Variants in C9orf85 observed in about 807,000 individuals in gnomAD.
The protein encoded by C9orf85 is chromosome 9 open reading frame 85.
A neutral mutation model predicts 14.9 loss-of-function variants in C9orf85; 16 were observed. The ratio of observed to expected loss-of-function variants is 1.08; its 90% confidence interval spans 0.73 to 1.63. C9orf85 has a LOEUF of 1.63. Among genes scored for constraint, C9orf85 ranks in the 40% most tolerant of loss-of-function variants. The pLI, the probability that C9orf85 is intolerant of heterozygous loss-of-function variation, is 0.00. For missense variants in C9orf85, 172 were observed against 186.1 expected (o/e 0.92, Z 0.44); for synonymous variants, 45 against 56.8 (o/e 0.79, Z 0.93).
chr9:71,982,328 A>G (rs182088282), intron 3 of C9orf85, among the ~76,000 whole-genome samples: 1 of 152,048 alleles, frequency 6.6e-6, no homozygotes, highest in Non-Finnish European at 1.5e-5. Flanking sequence ...GCTATTATGA[A>G]TGATACTGTT....
At chr9:71,982,519 T>A in intron 3 of C9orf85, 1 of 331,750 alleles carries the variant, frequency 3.0e-6, no homozygotes, top group Non-Finnish European at 5.7e-6. Context: ...TTGTGAGGAC[T>A]CCACACTGAG....
At chr9:71,949,123 T>C (rs1822179196) in intron 2 of C9orf85, among the ~76,000 whole-genome samples, 1 of 152,208 alleles carries the variant, frequency 6.6e-6, no homozygotes, top group South Asian at 2.1e-4. Flanking sequence ...TTTATTCCTA[T>C]AAAGGTATTT....
intron 1 of C9orf85, among the ~76,000 whole-genome samples, chr9:71,937,732 G>C (rs1289899692): frequency 6.6e-6 from 1 of 152,078 alleles, no homozygotes; most frequent in Non-Finnish European, 1.5e-5. Context: ...TCACAGTGCA[G>C]ATCTATATCA....
intron 1 of C9orf85, among the ~76,000 whole-genome samples, chr9:71,943,251 C>A (rs1821985803): frequency 5.5e-5 from 1 of 18,292 alleles, no homozygotes; most frequent in Non-Finnish European, 7.4e-4. Context: ...TTTTTTAATT[C>A]TGTTTTTGTT....
At chr9:71,924,821 T>C (rs1180259980) in intron 1 of C9orf85, among the ~76,000 whole-genome samples, 1 of 152,240 alleles carries the variant, frequency 6.6e-6, no homozygotes, top group Non-Finnish European at 1.5e-5. Flanking sequence ...TAAGGCACTA[T>C]AGTAATAGGA....
At chr9:71,977,410 T>TA (rs1247801673), downstream of C9orf85, among the ~76,000 whole-genome samples, 1 of 152,192 alleles carries the variant, frequency 6.6e-6, no homozygotes, top group African/African-American at 2.4e-5. Flanking sequence ...GATTCATTAG[T>TA]AGTGAAGGCT....
At chr9:71,917,017 G>T (rs1827667539) in intron 1 of C9orf85, among the ~76,000 whole-genome samples, 1 of 152,208 alleles carries the variant, frequency 6.6e-6, no homozygotes, top group Non-Finnish European at 1.5e-5. Flanking sequence ...TTAGGGCTTA[G>T]AGGTGAATGA....
At chr9:71,974,249 CTT>C (rs35308335), downstream of C9orf85, among the ~76,000 whole-genome samples, 3 of 139,732 alleles carry the variant, frequency 2.1e-5, no homozygotes, top group Admixed American at 7.3e-5. Flanking sequence ...TTTTATTTTA[CTT>C]TTTTTTTTTT....
downstream of C9orf85, among the ~76,000 whole-genome samples, chr9:71,974,178 C>T (rs1209539922): frequency 2.0e-5 from 3 of 151,364 alleles, no homozygotes; most frequent in African/African-American, 7.3e-5. Flanking sequence ...CCACCTGCCT[C>T]GGCCTCCCAC....
chr9:71,952,807 T>A (rs1822283521), intron 2 of C9orf85, among the ~76,000 whole-genome samples: 1 of 151,872 alleles, frequency 6.6e-6, no homozygotes. Context: ...CCTATTAATT[T>A]AGAAATGTGG....
intron 1 of C9orf85, among the ~76,000 whole-genome samples, chr9:71,921,254 G>A (rs1214169617): frequency 1.3e-5 from 2 of 152,196 alleles, no homozygotes; most frequent in Non-Finnish European, 2.9e-5. Flanking sequence ...CCCCTTAGGA[G>A]AGTCTGACAC....
chr9:71,931,055 TA>T (rs1383597237), intron 1 of C9orf85, among the ~76,000 whole-genome samples: 1 of 152,144 alleles, frequency 6.6e-6, no homozygotes, highest in African/African-American at 2.4e-5. Flanking sequence ...ACTACTGATG[TA>T]AACTTTATTT....
intron 2 of C9orf85, among the ~76,000 whole-genome samples, chr9:71,948,821 C>T (rs994020249): frequency 6.7e-5 from 10 of 148,910 alleles, no homozygotes; most frequent in African/African-American, 1.7e-4. Context: ...ACGCCCCCCC[C>T]CCCCCCTTTA....
At chr9:71,961,894 T>C (rs1822532915) in intron 2 of C9orf85, among the ~76,000 whole-genome samples, 2 of 152,206 alleles carry the variant, frequency 1.3e-5, no homozygotes, top group Admixed American at 6.5e-5. Context: ...GTACCCGTTA[T>C]GAATTATGGG....
intron 2 of C9orf85, among the ~76,000 whole-genome samples, chr9:71,968,856 C>G (rs1589272633): frequency 2.0e-5 from 3 of 152,276 alleles, no homozygotes; most frequent in African/African-American, 7.2e-5. Flanking sequence ...ACCACACAAT[C>G]TAAGCTAATT....
intron 1 of C9orf85, among the ~76,000 whole-genome samples, chr9:71,924,053 T>C (rs1200362613): frequency 6.6e-6 from 1 of 152,184 alleles, no homozygotes; most frequent in East Asian, 1.9e-4. Flanking sequence ...TTCCAAAAGA[T>C]CCTCTTAACT....
chr9:71,960,042 G>C (rs1200065872), intron 2 of C9orf85, among the ~76,000 whole-genome samples: 3 of 152,220 alleles, frequency 2.0e-5, no homozygotes, highest in Non-Finnish European at 4.4e-5. Flanking sequence ...AGATAATTCT[G>C]GGCAGTTTGC....
At chr9:71,922,427 T>C (rs1227401269) in intron 1 of C9orf85, among the ~76,000 whole-genome samples, 1 of 152,226 alleles carries the variant, frequency 6.6e-6, no homozygotes, top group Non-Finnish European at 1.5e-5. Flanking sequence ...ATATAAAATG[T>C]CTTTCACTTT....
intron 3 of C9orf85, among the ~76,000 whole-genome samples, chr9:71,979,269 TTA>T (rs1240251282): frequency 6.6e-6 from 1 of 152,232 alleles, no homozygotes; most frequent in Non-Finnish European, 1.5e-5. Context: ...CTTCGTGACG[TTA>T]TGTTATGTGT....
Sources: allele counts gnomAD v4.1 joint callset (sites outside exome capture counted in the v4.1 genomes callset), GRCh38; gene constraint gnomAD v4.1.1; transcripts MANE v1.5; gene names NCBI Gene and HGNC (gene_info 2026-07-23, HGNC 2026-07-21).